The following TJP1 variants were observed in gnomAD, a reference collection of about 807,000 sequenced individuals.
TJP1 encodes tight junction protein 1.
A neutral mutation model predicts 194.2 loss-of-function variants in TJP1; 43 were observed. That is an observed-to-expected ratio of 0.22 (90% CI 0.17 to 0.29). TJP1 has a LOEUF of 0.29. Among genes scored for constraint, TJP1 ranks in the 10% least tolerant of loss-of-function variants. TJP1 has a pLI of 1.00. For missense variants in TJP1, 1,971 were observed against 2,185.7 expected (o/e 0.90, Z 1.96); for synonymous variants, 801 against 779.0 (o/e 1.03, Z -0.47).
chr15:29,941,166 G>C (rs946010808), intron 2 of TJP1, among the ~76,000 whole-genome samples: 1 of 152,112 alleles, frequency 6.6e-6, no homozygotes, highest in Non-Finnish European at 1.5e-5. Flanking sequence ...ACGACCGCAG[G>C]CAGGCCCACG....
At chr15:29,769,862 G>A (rs961980858) in intron 4 of TJP1, among the ~76,000 whole-genome samples, 21 of 152,274 alleles carry the variant, frequency 1.4e-4, no homozygotes, top group Middle Eastern at 3.4e-3. Context: ...TATTTACTAT[G>A]CTAAACTTTT....
At chr15:29,968,785 C>G in exon 1 of TJP1, 1 of 1,215,642 alleles carries the variant, frequency 8.2e-7, no homozygotes, top group African/African-American at 1.6e-5. Context: ...CGCTCGCGGG[C>G]AGGGCCCCGC....
chr15:29,880,598 G>A (rs1608168), intron 2 of TJP1, among the ~76,000 whole-genome samples: 1 of 152,056 alleles, frequency 6.6e-6, no homozygotes, highest in Non-Finnish European at 1.5e-5. Context: ...AATTCCCCAT[G>A]TTCCCTACCC....
intron 2 of TJP1, among the ~76,000 whole-genome samples, chr15:29,874,627 A>C (rs1213953166): frequency 6.6e-6 from 1 of 152,234 alleles, no homozygotes; most frequent in African/African-American, 2.4e-5. Flanking sequence ...CTCAAAATCC[A>C]TGCTAATGAA....
chr15:29,853,041 A>G (rs545196541), intron 2 of TJP1, among the ~76,000 whole-genome samples: 28 of 152,330 alleles, frequency 1.8e-4, no homozygotes, highest in African/African-American at 6.5e-4. Context: ...TGTGGTATTC[A>G]CCCCATGGAA....
At chr15:29,748,558 CTAATTCTTT>C (rs2044971542) in intron 8 of TJP1, among the ~76,000 whole-genome samples, 1 of 138,124 alleles carries the variant, frequency 7.2e-6, no homozygotes, top group Admixed American at 8.1e-5. Context: ...CCAAACCTTC[CTAATTCTTT>C]TTTTTTTTTT....
Position 29,734,534 on chromosome 15 carries a change from A to G in TJP1, c.1408-152T>C, listed in dbSNP as rs952503382. ...AGTCTCGCTCTGTCGCCCAGGCTGG[A>G]GTGCAATGGCACGATCTCAGCTCAC... On this transcript the variant is annotated intron_variant, in intron 11 of 27. Coordinates refer to ENST00000614355, the MANE Select transcript of TJP1 (RefSeq NM_001330239.4). 9 of 560,562 alleles carry G rather than the reference A, an allele frequency of 1.6e-5. No homozygotes were observed. In the Admixed American group the frequency reaches 1.8e-4, roughly 11 times the overall value. 34.7% of individuals were successfully genotyped at this position (560,562 alleles called of 1,614,324 possible). A position where few individuals can be genotyped will look rare whatever the true frequency, so the allele number is the denominator to read the frequency against.
intron 2 of TJP1, among the ~76,000 whole-genome samples, chr15:29,852,904 C>CAA (rs533028834): frequency 1.5e-5 from 2 of 129,036 alleles, no homozygotes; most frequent in African/African-American, 2.9e-5. Context: ...AACTTCATCT[C>CAA]AAAAAAAAAA....
chr15:29,820,431 C>T (rs1240653390), intron 1 of TJP1: 1 of 685,524 alleles, frequency 1.5e-6, no homozygotes, highest in Non-Finnish European at 2.7e-6. Context: ...GTTTACAATG[C>T]AAAAAAGTCC....
At chr15:29,705,351 C>G (rs2041824752) in intron 26 of TJP1, among the ~76,000 whole-genome samples, 177 bp downstream of exon 26, 1 of 152,168 alleles carries the variant, frequency 6.6e-6, no homozygotes, top group South Asian at 2.1e-4. Flanking sequence ...GTCACCACAG[C>G]CTTGCTTCAG....
intron 9 of TJP1, among the ~76,000 whole-genome samples, chr15:29,742,197 C>A (rs547597791): frequency 3.3e-5 from 5 of 151,698 alleles, no homozygotes; most frequent in Non-Finnish European, 7.4e-5. Flanking sequence ...GAGGTTACAG[C>A]GAGCTAATCA....
At position 29,751,514 on chromosome 15, in the gene TJP1, T is replaced by G. The variant is rs1402448220; in HGVS notation, c.1011-8733A>C. Among the ~76,000 whole-genome samples the G allele has an allele frequency of 9.2e-5, 14 of 152,354 alleles. No homozygotes were observed. The East Asian group carries it at 2.7e-3, about 29-fold the overall frequency. On this transcript the variant is annotated intron_variant, in intron 8 of 27. Coordinates refer to ENST00000614355, the MANE Select transcript of TJP1 (RefSeq NM_001330239.4). ...CATTAGAAGAAAAACAGGTCTGTGG[T>G]TCAAAAGTAATTTTCATGGATATGG...
intron 27 of TJP1, among the ~76,000 whole-genome samples, chr15:29,703,482 T>C (rs1250546016): frequency 6.6e-6 from 1 of 151,774 alleles, no homozygotes; most frequent in African/African-American, 2.4e-5. Context: ...AATTAAACAA[T>C]AGTAACCAAA....
intron 1 of TJP1, among the ~76,000 whole-genome samples, chr15:29,801,879 G>A (rs2048813741): frequency 6.6e-6 from 1 of 150,724 alleles, no homozygotes; most frequent in Non-Finnish European, 1.5e-5. Context: ...AATGAAAGCT[G>A]ATGAGCTTAA....
chr15:29,728,800 G>A (rs2043406778), intron 15 of TJP1: 1 of 152,176 alleles, frequency 6.6e-6, no homozygotes, highest in Admixed American at 6.5e-5. Context: ...AAATGATTTT[G>A]GAGAATGAGA....
intron 2 of TJP1, among the ~76,000 whole-genome samples, chr15:29,837,217 T>C (rs2051065208): frequency 1.3e-5 from 2 of 152,158 alleles, no homozygotes. Context: ...AATTAAGCAA[T>C]GTGTGAGAAA....
intron 12 of TJP1, among the ~76,000 whole-genome samples, chr15:29,733,689 T>C (rs2043822044): frequency 6.6e-6 from 1 of 152,180 alleles, no homozygotes; most frequent in Non-Finnish European, 1.5e-5. Flanking sequence ...ATATGCAGTT[T>C]TGACTGCCCC....
At chr15:29,938,751 T>C (rs1031828009) in intron 2 of TJP1, among the ~76,000 whole-genome samples, 1 of 152,224 alleles carries the variant, frequency 6.6e-6, no homozygotes, top group Non-Finnish European at 1.5e-5. Context: ...CCCACTTTCA[T>C]CTCCACATTA....
chr15:29,772,557 G>A (rs2151639118), intron 3 of TJP1, among the ~76,000 whole-genome samples: 1 of 152,108 alleles, frequency 6.6e-6, no homozygotes, highest in African/African-American at 2.4e-5. Flanking sequence ...TAATTATAGT[G>A]CCACTATTTT....
Sources: gnomAD v4.1 joint callset for allele counts (sites outside exome capture counted in the v4.1 genomes callset) on GRCh38, gnomAD v4.1.1 for gene constraint, MANE v1.5 for transcripts, NCBI Gene and HGNC (gene_info 2026-07-23, HGNC 2026-07-21) for gene names.